Variants in UGT1A1 observed in about 807,000 individuals in gnomAD.
UGT1A1 encodes the protein UDP glucuronosyltransferase family 1 member A1.
Under a neutral mutation model 40.6 loss-of-function variants are expected in UGT1A1, and 33 were observed. The observed-to-expected ratio is 0.81, with a 90% CI of 0.62 to 1.09. The LOEUF (loss-of-function observed/expected upper bound fraction) is 1.09. UGT1A1 is among the 50% of genes least tolerant of loss of function. The pLI, the probability that UGT1A1 is intolerant of heterozygous loss-of-function variation, is 0.00. For missense variants in UGT1A1, 694 were observed against 671.2 expected (o/e 1.03, Z -0.38); for synonymous variants, 249 against 265.0 (o/e 0.94, Z 0.59).
At chr2:233,767,402 C>T (rs1699387838) in intron 2 of UGT1A1, among the ~76,000 whole-genome samples, 1 of 152,122 alleles carries the variant, frequency 6.6e-6, no homozygotes, top group Non-Finnish European at 1.5e-5. Flanking sequence ...ATCATTTTCT[C>T]TAAGAGACTC....
At position 233,773,123 on chromosome 2, in the gene UGT1A1, A is replaced by G. The variant is rs1700567243; in HGVS notation, c.*564A>G. On this transcript the variant is annotated 3_prime_UTR_variant, in exon 5 of 5. Transcript: ENST00000305208. ...GCATATGATTTCTTGCTTTGGGGAA[A>G]AAGAATGATGCTATGAAATTGGTGG... 6.4e-6 allele frequency: 1 copy of G among 155,124 alleles called. No homozygotes were observed. The highest frequency in any genetic ancestry group is 1.4e-5 in the Non-Finnish European group (1 of 69,730). The allele number at this position is 155,124 out of a possible 1,614,324, so 9.6% of individuals were successfully genotyped here. A position where few individuals can be genotyped will look rare whatever the true frequency, so the allele number is the denominator to read the frequency against.
Position 233,766,889 on chromosome 2 carries a change from C to T in UGT1A1, c.865-145C>T, listed in dbSNP as rs35858210. ...GGAGAGGAAAATGCTGTAAAACTTA[C>T]ATATTAATAATTTTTTACTCTATCT... On this transcript the variant is annotated intron_variant, in intron 1 of 4. Coordinates refer to ENST00000305208, the MANE Select transcript of UGT1A1 (RefSeq NM_000463.3). 3,026 of 1,464,588 alleles carry T rather than the reference C, an allele frequency of 2.1e-3. 24 individuals are homozygous for T. The highest frequency in any genetic ancestry group is 0.013 in the Middle Eastern group (51 of 4,042). The allele number at this position is 1,464,588 out of a possible 1,614,324, so 90.7% of individuals were successfully genotyped here.
At chr2:233,770,794 T>A (rs1195503821) in intron 4 of UGT1A1, 2 of 152,196 alleles carry the variant, frequency 1.3e-5, no homozygotes, top group Non-Finnish European at 2.9e-5. Flanking sequence ...ATTATAGATA[T>A]GTTTAAAGAC....
chr2:233,768,654 T>C (rs1699689633), intron 4 of UGT1A1, among the ~76,000 whole-genome samples: 2 of 149,892 alleles, frequency 1.3e-5, no homozygotes, highest in Non-Finnish European at 3.0e-5. Flanking sequence ...TGGTGCAATC[T>C]TGGCTTACTG....
At position 233,769,334 on chromosome 2, in the gene UGT1A1, AG is replaced by A. The variant is rs1261695807; in HGVS notation, c.1304+896del. Among the ~76,000 whole-genome samples the A allele has an allele frequency of 6.6e-6, 1 of 152,248 alleles. No individual in the cohort carries two copies. The highest frequency in any genetic ancestry group is 1.5e-5 in the Non-Finnish European group (1 of 68,042). ...CAAGCTCACTGGTAATAGGCTTATT[AG>A]AACCTTATGGGAAGAAGTGGTGGCC... On this transcript the variant is annotated intron_variant, in intron 4 of 4. Transcript: ENST00000305208. This position sits in a 1 kb window ranked among gnomAD's most constrained non-coding sequence, Gnocchi z 4.4.
intron 3 of UGT1A1, 36 bp downstream of exon 3, chr2:233,767,972 G>C (rs1383669551): frequency 1.9e-6 from 3 of 1,613,998 alleles, no homozygotes; most frequent in Non-Finnish European, 2.5e-6. Context: ...GGTCAAACCA[G>C]GGTCAAATTA....
At chr2:233,771,290 T>C (rs1700276789) in intron 4 of UGT1A1, 1 of 152,250 alleles carries the variant, frequency 6.6e-6, no homozygotes, top group African/African-American at 2.4e-5. Context: ...CCTTTTCTTT[T>C]CTACTTCCTC....
Position 233,760,415 on chromosome 2 carries a change from T to C in UGT1A1, c.128T>C (p.Met43Thr). The C allele has an allele frequency of 1.2e-6, 2 of 1,614,208 alleles. No homozygotes were observed. The highest frequency in any genetic ancestry group is 1.7e-5 in the Admixed American group (1 of 60,028). ...IPVDGSHWLS[M>T]LGAIQQLQQR... is the part of the protein sequence containing the mutation. ...GTGGATGGCAGCCACTGGCTGAGCA[T>C]GCTTGGGGCCATCCAGCAGCTGCAG... Residue 43 changes from methionine (M) to threonine (T), a missense_variant, in exon 1 of 5, where the codon ATG becomes ACG. Met to Thr is a moderately conservative substitution (Grantham distance 81, BLOSUM62 -1). Coordinates refer to ENST00000305208, the MANE Select transcript of UGT1A1 (RefSeq NM_000463.3).
At position 233,772,966 on chromosome 2, in the gene UGT1A1, C is replaced by T; in HGVS notation, c.*407C>T. ...CTTCTGCAGATGGTTGCAATTGATCCTTAACCAATAATGGTCAGTCCTCAT... is the reference window on the plus strand; with the variant it reads ...CTTCTGCAGATGGTTGCAATTGATCTTTAACCAATAATGGTCAGTCCTCAT... On this transcript the variant is annotated 3_prime_UTR_variant, in exon 5 of 5. Transcript: ENST00000305208. 1 of 310,570 alleles carries T rather than the reference C, an allele frequency of 3.2e-6. No homozygotes were observed. The highest frequency in any genetic ancestry group is 3.3e-5 in the South Asian group (1 of 30,476). The allele number at this position is 310,570 out of a possible 1,614,324, so 19.2% of individuals were successfully genotyped here.
intron 3 of UGT1A1, 76 bp from the exon 4 acceptor site, chr2:233,768,144 T>C: frequency 6.2e-7 from 1 of 1,610,934 alleles, no homozygotes; most frequent in Non-Finnish European, 8.5e-7. Context: ...CTTTGGAGTG[T>C]TTTCAGAACC....
chr2:233,769,826 G>A lies in UGT1A1; in HGVS notation c.1304+1387G>A. ...GCCGTGATCATGCCACTGCACTCCA[G>A]CAACCTGGGCAACAGAGTGAGACCC... On this transcript the variant is annotated intron_variant, in intron 4 of 4. Transcript: ENST00000305208. This position sits in a 1 kb window ranked among gnomAD's most constrained non-coding sequence, Gnocchi z 4.4. 1.5e-6 allele frequency: 1 copy of A among 678,694 alleles called. No individual in the cohort carries two copies. Among genetic ancestry groups the A allele is most frequent in the East Asian group, 3.3e-5 (1 of 29,888 alleles). The allele number at this position is 678,694 out of a possible 1,614,324, so 42.0% of individuals were successfully genotyped here.
chr2:233,763,341 T>C (rs1156611161), intron 1 of UGT1A1, among the ~76,000 whole-genome samples: 2 of 152,260 alleles, frequency 1.3e-5, no homozygotes, highest in African/African-American at 4.8e-5. Context: ...TACATTTCCC[T>C]AGCACATCTT....
In UGT1A1 at chr2:233,771,027, G is replaced by C. The variant is rs186703216; in HGVS notation, c.1305-1235G>C. On this transcript the variant is annotated intron_variant, in intron 4 of 4. Transcript: ENST00000305208. ...CAAAAGCAGGAGCGAGAGAGAGTTG[G>C]GGGGGAAGGTGCCACACACTTTTTA... is the stretch of plus-strand genomic sequence containing the variant. The C allele has an allele frequency of 5.9e-5, 9 of 152,196 alleles. No homozygotes were observed. The East Asian group carries it at 1.4e-3, about 23-fold the overall frequency. The allele number at this position is 152,196 out of a possible 1,614,324, so 9.4% of individuals were successfully genotyped here. A position where few individuals can be genotyped will look rare whatever the true frequency, so the allele number is the denominator to read the frequency against.
chr2:233,763,534 C>A (rs545430015), intron 1 of UGT1A1, among the ~76,000 whole-genome samples: 1 of 152,066 alleles, frequency 6.6e-6, no homozygotes, highest in Non-Finnish European at 1.5e-5. Flanking sequence ...CTCCTTTTTC[C>A]GGATTTCTAC....
chr2:233,766,749 C>T (rs756688417), intron 1 of UGT1A1, among the ~76,000 whole-genome samples: 1 of 152,132 alleles, frequency 6.6e-6, no homozygotes, highest in Non-Finnish European at 1.5e-5. Context: ...CAGGTGTGTG[C>T]ATGTGTGTGC....
chr2:233,769,491 G>A lies in UGT1A1; in HGVS notation c.1304+1052G>A. 1 of 1,612,664 alleles carries A rather than the reference G, an allele frequency of 6.2e-7. No individual in the cohort carries two copies. The highest frequency in any genetic ancestry group is 8.5e-7 in the Non-Finnish European group (1 of 1,179,770). On this transcript the variant is annotated intron_variant, in intron 4 of 4. Coordinates refer to ENST00000305208, the MANE Select transcript of UGT1A1 (RefSeq NM_000463.3). This position sits in a 1 kb window ranked among gnomAD's most constrained non-coding sequence, Gnocchi z 4.4. Reference sequence around the variant, plus strand: ...TGTGTGTGTGTGTGCGTGTGTTTATGAGAGTGTCCATTGCTTTCTCCCATG... The same window carrying A: ...TGTGTGTGTGTGTGCGTGTGTTTATAAGAGTGTCCATTGCTTTCTCCCATG...
In UGT1A1 at chr2:233,768,364, G is replaced by C; in HGVS notation, c.1229G>C (p.Gly410Ala). ...AAGCGCATGGAGACTAAGGGAGCTG[G>C]AGTGACCCTGAATGTTCTGGAAATG... is the stretch of plus-strand genomic sequence containing the variant. ...NAKRMETKGAGVTLNVLEMTS... is the reference protein window; with the variant it reads ...NAKRMETKGAAVTLNVLEMTS... The change falls in exon 4 of 5, where the codon GGA (glycine) becomes GCA (alanine). Residue 410 changes from glycine (G) to alanine (A), a missense_variant. Physicochemically the swap from Gly to Ala is moderately conservative, Grantham distance 60. Transcript: ENST00000305208. 2 of 1,614,172 alleles carry C rather than the reference G, an allele frequency of 1.2e-6. No homozygotes were observed. The highest frequency in any genetic ancestry group is 1.7e-6 in the Non-Finnish European group (2 of 1,180,034).
At position 233,769,594 on chromosome 2, in the gene UGT1A1, G is replaced by T; in HGVS notation, c.1304+1155G>T. 1 of 1,612,864 alleles carries T rather than the reference G, an allele frequency of 6.2e-7. No homozygotes were observed. Among genetic ancestry groups the T allele is most frequent in the South Asian group, 1.1e-5 (1 of 91,060 alleles). ...GAGCATGTTCAGATGAGAGGAGACG[G>T]AACACGGGGACACACCAGCTTGAGC... On this transcript the variant is annotated intron_variant, in intron 4 of 4. Coordinates refer to ENST00000305208, the MANE Select transcript of UGT1A1 (RefSeq NM_000463.3). This position sits in a 1 kb window ranked among gnomAD's most constrained non-coding sequence, Gnocchi z 4.4.
At position 233,772,771 on chromosome 2, in the gene UGT1A1, G is replaced by A. The variant is rs989549467; in HGVS notation, c.*212G>A. 1 of 1,323,730 alleles carries A rather than the reference G, an allele frequency of 7.6e-7. No individual in the cohort carries two copies. The highest frequency in any genetic ancestry group is 1.5e-5 in the African/African-American group (1 of 67,390). The allele number at this position is 1,323,730 out of a possible 1,614,324, so 82.0% of individuals were successfully genotyped here. On this transcript the variant is annotated 3_prime_UTR_variant, in exon 5 of 5. Coordinates refer to ENST00000305208, the MANE Select transcript of UGT1A1 (RefSeq NM_000463.3). ...TTTGAATATGTATCGTGCCCCCTCTGGTGTCTTTGATCAGGATGACATGTG... is the reference window on the plus strand; with the variant it reads ...TTTGAATATGTATCGTGCCCCCTCTAGTGTCTTTGATCAGGATGACATGTG...
Sources: gnomAD v4.1 joint callset for allele counts (sites outside exome capture counted in the v4.1 genomes callset) on GRCh38, gnomAD v4.1.1 for gene constraint, Gnocchi (gnomAD v3.1) non-coding constraint, MANE v1.5 for transcripts, NCBI Gene and HGNC (gene_info 2026-07-23, HGNC 2026-07-21) for gene names.